The following PPARA variants were observed in gnomAD, a reference collection of about 807,000 sequenced individuals.
PPARA encodes the protein peroxisome proliferator-activated receptor alpha.
In PPARA, 22 loss-of-function variants were observed where a neutral mutation model predicts 42.2. That is an observed-to-expected ratio of 0.52 (90% CI 0.37 to 0.74). PPARA has a LOEUF of 0.74. Among genes scored for constraint, PPARA ranks in the 30% least tolerant of loss-of-function variants. The pLI is 0.00. For missense variants in PPARA, 465 were observed against 608.2 expected (o/e 0.76, Z 2.48); for synonymous variants, 242 against 239.3 (o/e 1.01, Z -0.10).
rs920573050 is a variant in PPARA, at chr22:46,212,375, T to C, written c.209-2798T>C. Among the ~76,000 whole-genome samples, 2 of 152,290 alleles carry C rather than the reference T, an allele frequency of 1.3e-5. No homozygotes were observed. The highest frequency in any genetic ancestry group is 1.9e-4 in the East Asian group (1 of 5,184). On this transcript the variant is annotated intron_variant, in intron 4 of 8. Transcript: ENST00000407236. The surrounding 1 kb of genome is among the most constrained non-coding windows in gnomAD (Gnocchi z 4.2). ...CCCAGACCACTGTTAGATTTTCATA[T>C]GAATAGTTTCACCACATCAAAAAAC...
chr22:46,241,629 G>T lies in PPARA; in HGVS notation c.*6249G>T, dbSNP rs1461711276. ...ATCTGAGGACGTCCCGGCAGATCTG[G>T]AATGGGGCCCTCAACTGACCATTTG... On this transcript the variant is annotated 3_prime_UTR_variant, in exon 9 of 9. Transcript: ENST00000407236. This position sits in a 1 kb window ranked among gnomAD's most constrained non-coding sequence, Gnocchi z 5.7. 1 of 152,206 alleles carries T rather than the reference G, an allele frequency of 6.6e-6. No individual in the cohort carries two copies. The highest frequency in any genetic ancestry group is 1.5e-5 in the Non-Finnish European group (1 of 68,054). The allele number at this position is 152,206 out of a possible 1,614,324, so 9.4% of individuals were successfully genotyped here. A position where few individuals can be genotyped will look rare whatever the true frequency, so the allele number is the denominator to read the frequency against.
Position 46,161,555 on chromosome 22 carries a change from C to G in PPARA, c.-127+9585C>G, listed in dbSNP as rs112957527. On this transcript the variant is annotated intron_variant, in intron 2 of 8. Transcript: ENST00000407236. The surrounding 1 kb of genome is among the most constrained non-coding windows in gnomAD (Gnocchi z 4.8). ...GAACCAAGATTGTGCCACTGCACTCCAGCCTGGCAACAGCGAGACTCCATC... is the reference window on the plus strand; with the variant it reads ...GAACCAAGATTGTGCCACTGCACTCGAGCCTGGCAACAGCGAGACTCCATC... 0.013 allele frequency among the ~76,000 whole-genome samples: 2,033 copies of G among 152,158 alleles called. 53 individuals carry two copies. Among genetic ancestry groups the G allele is most frequent in the African/African-American group, 0.046 (1,897 of 41,502 alleles).
chr22:46,181,066 C>T (rs1160470632), intron 3 of PPARA, among the ~76,000 whole-genome samples: 1 of 151,442 alleles, frequency 6.6e-6, no homozygotes, highest in Non-Finnish European at 1.5e-5. Context: ...GTTGCCCAGA[C>T]CCAGAGGGGC....
intron 7 of PPARA, among the ~76,000 whole-genome samples, chr22:46,223,780 T>C (rs991480794): frequency 6.6e-5 from 10 of 151,154 alleles, no homozygotes; most frequent in African/African-American, 2.2e-4. Flanking sequence ...TAAAACCCCA[T>C]CTCTACTAAA....
rs60834803 is a variant in PPARA, at chr22:46,225,778, A to C, written c.711+5764A>C. On this transcript the variant is annotated intron_variant, in intron 7 of 8. Coordinates refer to ENST00000407236, the MANE Select transcript of PPARA (RefSeq NM_005036.6). This position sits in a 1 kb window ranked among gnomAD's most constrained non-coding sequence, Gnocchi z 4.1. Reference sequence around the variant, plus strand: ...TCACACATCCATGCATGCACGTGTAAACACACACACCCCCACACATACACG... The same window carrying C: ...TCACACATCCATGCATGCACGTGTACACACACACACCCCCACACATACACG... Among the ~76,000 whole-genome samples the C allele has an allele frequency of 9.8e-3, 687 of 70,252 alleles. 8 individuals carry two copies. In the African/African-American group the frequency reaches 0.13, roughly 13 times the overall value. 46.1% of individuals were successfully genotyped at this position (70,252 alleles called of 152,430 possible). A position where few individuals can be genotyped will look rare whatever the true frequency, so the allele number is the denominator to read the frequency against.
intron 4 of PPARA, among the ~76,000 whole-genome samples, chr22:46,207,336 C>T (rs1295321604): frequency 5.2e-5 from 7 of 133,810 alleles, no homozygotes; most frequent in African/African-American, 1.1e-4. Flanking sequence ...GGCTGGAGGG[C>T]GGTGGTGCCA....
chr22:46,231,801 A>G lies in PPARA; in HGVS notation c.721A>G (p.Ile241Val). 6.2e-7 allele frequency: 1 copy of G among 1,613,214 alleles called. No individual in the cohort carries two copies. Among genetic ancestry groups the G allele is most frequent in the Non-Finnish European group, 8.5e-7 (1 of 1,180,004 alleles). Residue 241 changes from isoleucine (I) to valine (V), a missense_variant, in exon 8 of 9, where the codon ATA (isoleucine) becomes GTA (valine). This residue lies in a region of PPARA where 313 missense variants were observed against 469.1 expected (regional missense o/e 0.67). Coordinates refer to ENST00000407236, the MANE Select transcript of PPARA (RefSeq NM_005036.6). The surrounding 1 kb of genome is among the most constrained non-coding windows in gnomAD (Gnocchi z 7.7). ...GKASNNPPFV[I>V]HDMETLCMAE... Reference sequence around the variant, plus strand: ...GTGTCCTCCTTTGTAGCCTTTTGTCATACATGATATGGAGACACTGTGTAT... The same window carrying G: ...GTGTCCTCCTTTGTAGCCTTTTGTCGTACATGATATGGAGACACTGTGTAT...
Position 46,241,913 on chromosome 22 carries a change from GAAAAAAAA to G in PPARA, c.*6544_*6551del, listed in dbSNP as rs11344804. On this transcript the variant is annotated 3_prime_UTR_variant, in exon 9 of 9. Coordinates refer to ENST00000407236, the MANE Select transcript of PPARA (RefSeq NM_005036.6). This position sits in a 1 kb window ranked among gnomAD's most constrained non-coding sequence, Gnocchi z 5.7. ...CTCATGGCTGTTAGATGGATTATTT[GAAAAAAAA>G]AAAAAAAAAAGAGAGAAAAAATAAT... is the stretch of plus-strand genomic sequence containing the variant. 1.8e-4 allele frequency: 17 copies of G among 95,510 alleles called. No homozygotes were observed. Among genetic ancestry groups the G allele is most frequent in the African/African-American group, 2.9e-4 (9 of 30,570 alleles). The allele number at this position is 95,510 out of a possible 1,614,324, so 5.9% of individuals were successfully genotyped here.
At position 46,150,645 on chromosome 22, in the gene PPARA, C is replaced by T. The variant is rs1014679789; in HGVS notation, c.-217C>T. 32 of 126,148 alleles carry T rather than the reference C, an allele frequency of 2.5e-4. No homozygotes were observed. The highest frequency in any genetic ancestry group is 9.2e-4 in the African/African-American group (32 of 34,782). The allele number at this position is 126,148 out of a possible 1,614,324, so 7.8% of individuals were successfully genotyped here. On this transcript the variant is annotated 5_prime_UTR_variant, in exon 1 of 9. Transcript: ENST00000407236. The surrounding 1 kb of genome is among the most constrained non-coding windows in gnomAD (Gnocchi z 7.5). ...CCACGGACCGGCAGGCGGCGGACCG[C>T]GGCCCAGGTGCCCGGGGGCGGGCGG...
rs763206736 is a variant in PPARA, at chr22:46,161,884, C to T, written c.-127+9914C>T. Among the ~76,000 whole-genome samples the T allele has an allele frequency of 3.9e-5, 6 of 152,272 alleles. No homozygotes were observed. Among genetic ancestry groups the T allele is most frequent in the East Asian group, 3.9e-4 (2 of 5,172 alleles). ...CTCTGGCTCCACGAGGCCCCCTGTA[C>T]GTCACCATCACCTTTGTGAGCTTGA... On this transcript the variant is annotated intron_variant, in intron 2 of 8. Coordinates refer to ENST00000407236, the MANE Select transcript of PPARA (RefSeq NM_005036.6). The surrounding 1 kb of genome is among the most constrained non-coding windows in gnomAD (Gnocchi z 4.8).
At position 46,183,536 on chromosome 22, in the gene PPARA, G is replaced by A. The variant is rs572853723; in HGVS notation, c.-43+6700G>A. On this transcript the variant is annotated intron_variant, in intron 3 of 8. Coordinates refer to ENST00000407236, the MANE Select transcript of PPARA (RefSeq NM_005036.6). This position sits in a 1 kb window ranked among gnomAD's most constrained non-coding sequence, Gnocchi z 5.5. ...GAGGGCAGATCACTTGAGTTCAGGA[G>A]TTTGAGACCAGCCTGGGCAACATGG... Among the ~76,000 whole-genome samples, 6 of 152,318 alleles carry A rather than the reference G, an allele frequency of 3.9e-5. No homozygotes were observed. Among genetic ancestry groups the A allele is most frequent in the African/African-American group, 1.4e-4 (6 of 41,562 alleles).
At position 46,237,828 on chromosome 22, in the gene PPARA, CCCTGTGTCAACAAGAT is replaced by C. The variant is rs986148713; in HGVS notation, c.*2451_*2466del. 4.6e-5 allele frequency: 7 copies of C among 152,348 alleles called. No individual in the cohort carries two copies. Among genetic ancestry groups the C allele is most frequent in the African/African-American group, 1.7e-4 (7 of 41,550 alleles). 9.4% of individuals were successfully genotyped at this position (152,348 alleles called of 1,614,324 possible). A position where few individuals can be genotyped will look rare whatever the true frequency, so the allele number is the denominator to read the frequency against. On this transcript the variant is annotated 3_prime_UTR_variant, in exon 9 of 9. Transcript: ENST00000407236. This position sits in a 1 kb window ranked among gnomAD's most constrained non-coding sequence, Gnocchi z 6.7. ...AGTATTATTTCCTAAAATGAGAAGC[CCCTGTGTCAACAAGAT>C]CCAGGGGCTGGAGCCCAATGCCAAG...
Position 46,192,513 on chromosome 22 carries a change from A to G in PPARA, c.-42-5829A>G, listed in dbSNP as rs1931702427. Reference sequence around the variant, plus strand: ...TTTGTCTGTTTTTAAGTGTTCTACAATTTTCATATACTCTGTTTCATCGTT... The same window carrying G: ...TTTGTCTGTTTTTAAGTGTTCTACAGTTTTCATATACTCTGTTTCATCGTT... On this transcript the variant is annotated intron_variant, in intron 3 of 8. Transcript: ENST00000407236. The surrounding 1 kb of genome is among the most constrained non-coding windows in gnomAD (Gnocchi z 4.3). 6.6e-6 allele frequency among the ~76,000 whole-genome samples: 1 copy of G among 152,076 alleles called. No individual in the cohort carries two copies. Among genetic ancestry groups the G allele is most frequent in the Admixed American group, 6.5e-5 (1 of 15,274 alleles).
chr22:46,207,524 C>T (rs1403601872), intron 4 of PPARA, among the ~76,000 whole-genome samples: 1 of 150,308 alleles, frequency 6.7e-6, no homozygotes, highest in Non-Finnish European at 1.5e-5. Flanking sequence ...ACCTCATGAT[C>T]CGCCCACCTC....
intron 3 of PPARA, among the ~76,000 whole-genome samples, chr22:46,181,837 C>T (rs185905641): frequency 9.9e-5 from 15 of 152,166 alleles, no homozygotes; most frequent in East Asian, 7.7e-4. Flanking sequence ...TGACCTGAGC[C>T]GAACCTAAGG....
chr22:46,218,240 TCC>T lies in PPARA; in HGVS notation c.370-22_370-21del, dbSNP rs4253752. 8.1e-4 allele frequency: 1,306 copies of T among 1,613,984 alleles called. 12 individuals are homozygous for T. In the African/African-American group the frequency reaches 0.015, roughly 19 times the overall value. ...TTTCTCAGTGGCCCAGGTCTTTAAATCCACTGTGTATTACCCTCACAGGGCTT... is the reference window on the plus strand; with the variant it reads ...TTTCTCAGTGGCCCAGGTCTTTAAATACTGTGTATTACCCTCACAGGGCTT... On this transcript the variant is annotated intron_variant, in intron 5 of 8. Transcript: ENST00000407236.
chr22:46,169,247 G>A (rs1927595625), intron 2 of PPARA, among the ~76,000 whole-genome samples: 1 of 151,106 alleles, frequency 6.6e-6, no homozygotes. Flanking sequence ...ACCAATGCAA[G>A]ATGTTTGTTT....
intron 4 of PPARA, among the ~76,000 whole-genome samples, chr22:46,202,468 T>C (rs1396490624): frequency 1.3e-5 from 2 of 151,704 alleles, no homozygotes; most frequent in African/African-American, 4.8e-5. Context: ...CCGGGCACGG[T>C]GGTCACGTGT....
At chr22:46,194,257 A>G (rs539665512) in intron 3 of PPARA, among the ~76,000 whole-genome samples, 5 of 152,340 alleles carry the variant, frequency 3.3e-5, no homozygotes, top group African/African-American at 9.6e-5. Flanking sequence ...CTCACTCTAT[A>G]TAGAGATTGT....
Sources: gnomAD v4.1 joint callset for allele counts (sites outside exome capture counted in the v4.1 genomes callset) on GRCh38, gnomAD v4.1.1 for gene constraint, gnomAD v4.1.1 regional missense constraint, Gnocchi (gnomAD v3.1) non-coding constraint, MANE v1.5 for transcripts, NCBI Gene and HGNC (gene_info 2026-07-23, HGNC 2026-07-21) for gene names.